The following TMCC2 variants were observed in gnomAD, a reference collection of about 807,000 sequenced individuals.
TMCC2 encodes transmembrane and coiled-coil domains protein 2.
A neutral mutation model predicts 49.4 loss-of-function variants in TMCC2; 16 were observed. That is an observed-to-expected ratio of 0.32 (90% confidence interval 0.22 to 0.49). The LOEUF (loss-of-function observed/expected upper bound fraction) is 0.49. TMCC2 is among the 20% of genes least tolerant of loss of function. The pLI is 0.99. For synonymous variants in TMCC2, 397 were observed against 434.1 expected, an observed-to-expected ratio of 0.91 and a Z score of 1.06; for missense variants, 762 against 989.8, an observed-to-expected ratio of 0.77 and a Z score of 3.09.
At position 205,272,034 on chromosome 1, in the gene TMCC2, C is replaced by T. The variant is rs771053103; in HGVS notation, c.2040C>T (p.Ser680=). ...PLMKTRLRIT[S]TTLLVLVLFL... ...TGAAGACACGCCTGCGCATCACCAGCACCACCCTCCTGGTCCTCGTCCTGT... is the reference window on the plus strand; with the variant it reads ...TGAAGACACGCCTGCGCATCACCAGTACCACCCTCCTGGTCCTCGTCCTGT... Residue 680 remains serine, a synonymous_variant, in exon 5 of 5, where the codon AGC becomes AGT. Coordinates refer to ENST00000358024, the MANE Select transcript of TMCC2 (RefSeq NM_014858.4). The T allele has an allele frequency of 1.2e-6, 2 of 1,614,108 alleles. No individual in the cohort carries two copies. The highest frequency in any genetic ancestry group is 1.7e-6 in the Non-Finnish European group (2 of 1,180,044).
chr1:205,249,699 A>G (rs903361310), intron 2 of TMCC2, among the ~76,000 whole-genome samples: 3 of 152,214 alleles, frequency 2.0e-5, no homozygotes, highest in African/African-American at 7.2e-5. Flanking sequence ...GGTGGAGGGC[A>G]ACTGCCTCCT....
chr1:205,257,408 G>A (rs1335433259), intron 2 of TMCC2: 21 of 1,231,946 alleles, frequency 1.7e-5, no homozygotes, highest in East Asian at 3.2e-5. Context: ...TTCACCGGGC[G>A]GGGTGGAGTT....
intron 2 of TMCC2, among the ~76,000 whole-genome samples, chr1:205,250,384 T>C (rs1440922768): frequency 6.6e-6 from 1 of 151,626 alleles, no homozygotes; most frequent in Non-Finnish European, 1.5e-5. Context: ...CTACTAAAAA[T>C]ACAAAAACTA....
rs753860828 is a variant in TMCC2 at position 205,256,299 on chromosome 1, G to A, written c.748-12651G>A. ...GGCCCCAGGACTCAGCTGGCCAGCC[G>A]GTGACACTGCTCACTGCTCATTGTC... On this transcript the variant is annotated intron_variant, in intron 2 of 4. Coordinates refer to ENST00000358024, the MANE Select transcript of TMCC2 (RefSeq NM_014858.4). The A allele has an allele frequency of 1.7e-5, 27 of 1,548,660 alleles. No individual in the cohort carries two copies. The African/African-American group carries it at 2.1e-4, about 12-fold the overall frequency.
intron 2 of TMCC2, among the ~76,000 whole-genome samples, chr1:205,262,063 C>T (rs1661138367): frequency 6.6e-6 from 1 of 152,198 alleles, no homozygotes; most frequent in Non-Finnish European, 1.5e-5. Flanking sequence ...TGTACCAGCT[C>T]CTTGGCTCTG....
chr1:205,269,002 C>A lies in TMCC2; in HGVS notation c.800C>A (p.Thr267Asn), dbSNP rs370713286. The A allele has an allele frequency of 6.2e-7, 1 of 1,613,182 alleles. No individual in the cohort carries two copies. Among genetic ancestry groups the A allele is most frequent in the Non-Finnish European group, 8.5e-7 (1 of 1,179,994 alleles). ...AGCCTCCCCGCCGGCCATGGTGACA[C>A]CGACGGCCCCATCAGCCTGGACGTG... ...ALSLPAGHGD[T>N]DGPISLDVPD... is the part of the protein sequence containing the mutation. The change falls in exon 3 of 5, where the codon ACC (threonine) becomes AAC (asparagine). Residue 267 changes from threonine (T) to asparagine (N), a missense_variant. Thr to Asn is a moderately conservative substitution (Grantham distance 65, BLOSUM62 0). Around this residue, in one of 2 missense-constraint regions of TMCC2, gnomAD observed 440 missense variants for 636.7 expected, o/e 0.69. Transcript: ENST00000358024.
intron 1 of TMCC2, among the ~76,000 whole-genome samples, chr1:205,231,780 G>T (rs1269972520): frequency 2.0e-5 from 3 of 152,120 alleles, no homozygotes; most frequent in African/African-American, 7.2e-5. Context: ...CCTGTGTTTG[G>T]TCAAGGCAGA....
rs758163167 is a variant in TMCC2, at chr1:205,269,312, G to T, written c.1110G>T (p.Ser370=). The change falls in exon 3 of 5, where the codon TCG becomes TCT. Residue 370 remains serine, a synonymous_variant. Transcript: ENST00000358024. ...AGGAGATTGAGCAGAACGGGCCCTC[G>T]CGGCAGCCCAAGGACGTGCTGCGGG... ...RLKEIEQNGP[S]RQPKDVLRDM... is the part of the protein sequence containing the mutation. The T allele has an allele frequency of 1.5e-5, 25 of 1,613,318 alleles. No individual in the cohort carries two copies. The highest frequency in any genetic ancestry group is 2.0e-5 in the Non-Finnish European group (24 of 1,179,982).
chr1:205,270,989 TAGAAC>T (rs2102618654), intron 3 of TMCC2, 126 bp from the exon 4 acceptor site: 4 of 1,291,232 alleles, frequency 3.1e-6, no homozygotes, highest in South Asian at 3.0e-5. Context: ...CTGTTAAAAT[TAGAAC>T]AGAGCAGAGC....
rs778791623 is a variant in TMCC2, at chr1:205,241,842, G to A, written c.545G>A (p.Arg182His). The change falls in exon 2 of 5, where the codon CGC becomes CAC. Residue 182 changes from arginine to histidine, a missense_variant. Physicochemically the swap from Arg to His is conservative, Grantham distance 29 (BLOSUM62 0). Transcript: ENST00000358024. This position sits in a 1 kb window ranked among gnomAD's most constrained non-coding sequence, Gnocchi z 7.3. Reference protein sequence around the residue: ...GGGSSGSSSRRTKSSSLEPQR... With the variant: ...GGGSSGSSSRHTKSSSLEPQR... ...GGCAGCAGCGGGAGCAGCAGCCGGCGCACCAAGAGTAGCTCCCTGGAGCCC... is the reference window on the plus strand; with the variant it reads ...GGCAGCAGCGGGAGCAGCAGCCGGCACACCAAGAGTAGCTCCCTGGAGCCC... 5.0e-6 allele frequency: 8 copies of A among 1,599,324 alleles called. No homozygotes were observed. The highest frequency in any genetic ancestry group is 5.1e-6 in the Non-Finnish European group (6 of 1,174,580).
intron 1 of TMCC2, 183 bp downstream of exon 1, chr1:205,228,954 G>A (rs2102510862): frequency 1.4e-6 from 2 of 1,410,022 alleles, no homozygotes; most frequent in East Asian, 2.5e-5. Context: ...CTGTCTTTCA[G>A]CTCCGTGTCA....
At chr1:205,255,987 G>A (rs1660856026) in intron 2 of TMCC2, among the ~76,000 whole-genome samples, 1 of 152,166 alleles carries the variant, frequency 6.6e-6, no homozygotes, top group Admixed American at 6.5e-5. Flanking sequence ...CAAACCCCAA[G>A]TCATCAGCCA....
intron 1 of TMCC2, among the ~76,000 whole-genome samples, chr1:205,240,867 T>C (rs567584477): frequency 9.2e-5 from 14 of 152,338 alleles, no homozygotes; most frequent in East Asian, 5.8e-4. Context: ...AACTGTGTCA[T>C]GTGGCTACTC....
chr1:205,232,411 T>G (rs1041073306), intron 1 of TMCC2, among the ~76,000 whole-genome samples: 1 of 152,100 alleles, frequency 6.6e-6, no homozygotes, highest in Non-Finnish European at 1.5e-5. Flanking sequence ...GTTGAAACAC[T>G]CGAGTTCATG....
chr1:205,233,415 G>A (rs1465522181), intron 1 of TMCC2, among the ~76,000 whole-genome samples: 1 of 152,206 alleles, frequency 6.6e-6, no homozygotes, highest in African/African-American at 2.4e-5. Context: ...TGGTCTTCCT[G>A]CCTACTTAGT....
At position 205,232,934 on chromosome 1, in the gene TMCC2, C is replaced by CA. The variant is rs35561522; in HGVS notation, c.207+4189dup. Among the ~76,000 whole-genome samples the CA allele has an allele frequency of 6.0e-3, 275 of 45,578 alleles. 11 individuals are homozygous for CA. Among genetic ancestry groups the CA allele is most frequent in the Middle Eastern group, 0.036 (1 of 28 alleles). 29.9% of individuals were successfully genotyped at this position (45,578 alleles called of 152,430 possible). On this transcript the variant is annotated intron_variant, in intron 1 of 4. Coordinates refer to ENST00000358024, the MANE Select transcript of TMCC2 (RefSeq NM_014858.4). ...TGGGCTACAGAGCAAGACCCTATCTCAAAAAAAAAAAAAAAAAAAAAAAAA... is the reference window on the plus strand; with the variant it reads ...TGGGCTACAGAGCAAGACCCTATCTCAAAAAAAAAAAAAAAAAAAAAAAAAA...
Position 205,241,984 on chromosome 1 carries a change from G to T in TMCC2, c.687G>T (p.Leu229=). ...CCTCCACCACCGACACTGCTCTGCT[G>T]CTGGCCGACGGCAGCAACGTGTACC... is the stretch of plus-strand genomic sequence containing the variant. ...RSSSTTDTAL[L]LADGSNVYLL... Residue 229 remains leucine, a synonymous_variant, in exon 2 of 5, where the codon CTG becomes CTT. Transcript: ENST00000358024. The surrounding 1 kb of genome is among the most constrained non-coding windows in gnomAD (Gnocchi z 7.3). 1 of 1,610,138 alleles carries T rather than the reference G, an allele frequency of 6.2e-7. No individual in the cohort carries two copies. Among genetic ancestry groups the T allele is most frequent in the South Asian group, 1.1e-5 (1 of 90,810 alleles).
At chr1:205,234,874 G>A (rs952958353) in intron 1 of TMCC2, among the ~76,000 whole-genome samples, 3 of 152,046 alleles carry the variant, frequency 2.0e-5, no homozygotes, top group Admixed American at 6.5e-5. Flanking sequence ...TGCCAGGCTG[G>A]TCTGAAACTC....
chr1:205,258,770 C>T (rs1349404878), intron 2 of TMCC2, among the ~76,000 whole-genome samples: 2 of 152,258 alleles, frequency 1.3e-5, no homozygotes, highest in Non-Finnish European at 2.9e-5. Flanking sequence ...TCTCTCCCAA[C>T]TTTACCGTAA....
Sources: allele counts gnomAD v4.1 joint callset (sites outside exome capture counted in the v4.1 genomes callset), GRCh38; gene constraint gnomAD v4.1.1; regional missense constraint gnomAD v4.1.1; non-coding constraint Gnocchi (gnomAD v3.1); transcripts MANE v1.5; gene names NCBI Gene and HGNC (gene_info 2026-07-23, HGNC 2026-07-21).